Variants in SLC22A2 observed in about 807,000 individuals in gnomAD.
SLC22A2 encodes organic cation transporter 2.
A neutral mutation model predicts 60.5 loss-of-function variants in SLC22A2; 46 were observed. The ratio of observed to expected loss-of-function variants is 0.76; its 90% CI spans 0.60 to 0.97. The LOEUF is 0.97. Ranked by LOEUF, SLC22A2 falls within the 50% of genes least tolerant of loss-of-function variation. The pLI is 0.00. For synonymous variants in SLC22A2, 303 were observed against 267.0 expected, an observed-to-expected ratio of 1.13 and a Z score of -1.31; for missense variants, 701 against 706.6, an observed-to-expected ratio of 0.99 and a Z score of 0.09.
intron 7 of SLC22A2, 141 bp from the exon 8 acceptor site, chr6:160,242,543 G>C (rs1783027188): frequency 1.6e-6 from 1 of 624,310 alleles, no homozygotes; most frequent in Non-Finnish European, 2.9e-6. Flanking sequence ...ATAGGCTCAT[G>C]TTAATGTCAG....
intron 10 of SLC22A2, among the ~76,000 whole-genome samples, chr6:160,223,754 G>A (rs761572136): frequency 6.6e-6 from 1 of 152,108 alleles, no homozygotes; most frequent in Non-Finnish European, 1.5e-5. Flanking sequence ...TGAGACAAGA[G>A]TATTGCTTTG....
chr6:160,245,611 A>G (rs992728292), intron 5 of SLC22A2, 66 bp from the exon 6 acceptor site: 10 of 917,254 alleles, frequency 1.1e-5, no homozygotes, highest in Non-Finnish European at 1.3e-5. Flanking sequence ...TCACATAGGG[A>G]ATAACAATAA....
chr6:160,226,346 G>T (rs1299819182), intron 9 of SLC22A2, among the ~76,000 whole-genome samples: 1 of 152,116 alleles, frequency 6.6e-6, no homozygotes, highest in Non-Finnish European at 1.5e-5. Flanking sequence ...TAAAACTCCA[G>T]TCTCCCACAC....
At chr6:160,256,224 C>G (rs1274454332) in intron 2 of SLC22A2, among the ~76,000 whole-genome samples, 1 of 151,892 alleles carries the variant, frequency 6.6e-6, no homozygotes, top group African/African-American at 2.4e-5. Context: ...GCGAGACAAG[C>G]AGAGGATAGG....
chr6:160,235,053 G>T (rs906440491), intron 9 of SLC22A2, among the ~76,000 whole-genome samples: 1 of 152,140 alleles, frequency 6.6e-6, no homozygotes, highest in South Asian at 2.1e-4. Context: ...GTTTGTTCAA[G>T]CTCTAACAGC....
At chr6:160,256,552 C>G in intron 2 of SLC22A2, 62 bp downstream of exon 2, 3 of 1,080,580 alleles carry the variant, frequency 2.8e-6, no homozygotes, top group Non-Finnish European at 4.3e-6. Context: ...GGGGCAGGTG[C>G]ATCCAAGTGT....
chr6:160,229,755 G>A (rs1251009081), intron 9 of SLC22A2, among the ~76,000 whole-genome samples: 1 of 151,556 alleles, frequency 6.6e-6, no homozygotes, highest in Non-Finnish European at 1.5e-5. Flanking sequence ...CCCTTAGCCT[G>A]CATTCTCAAA....
At chr6:160,239,973 A>G (rs1204517153) in intron 9 of SLC22A2, among the ~76,000 whole-genome samples, 3 of 152,140 alleles carry the variant, frequency 2.0e-5, no homozygotes. Flanking sequence ...TGAGCAGGGT[A>G]GCTGTGTGGG....
intron 9 of SLC22A2, among the ~76,000 whole-genome samples, chr6:160,236,258 G>A (rs1424569687): frequency 6.6e-6 from 1 of 152,224 alleles, no homozygotes; most frequent in Non-Finnish European, 1.5e-5. Flanking sequence ...GAGGTGAAAT[G>A]TTCATGTATA....
chr6:160,236,311 C>T (rs180764682), intron 9 of SLC22A2, among the ~76,000 whole-genome samples: 5 of 152,026 alleles, frequency 3.3e-5, no homozygotes, highest in South Asian at 2.1e-4. Context: ...AATAAAAGAC[C>T]GAAGTATTCT....
At chr6:160,244,093 TA>T in intron 6 of SLC22A2, 1 of 262,340 alleles carries the variant, frequency 3.8e-6, no homozygotes, top group Non-Finnish European at 7.4e-6. Context: ...TTATTTTATT[TA>T]TTTATTTTTT....
chr6:160,250,425 TA>T (rs1407994438), intron 3 of SLC22A2, 122 bp downstream of exon 3: 5 of 886,316 alleles, frequency 5.6e-6, no homozygotes, highest in Admixed American at 3.7e-5. Flanking sequence ...GATACAGAAA[TA>T]AAAAAATCTC....
intron 5 of SLC22A2, 42 bp downstream of exon 5, chr6:160,247,142 T>C: frequency 8.6e-7 from 1 of 1,164,460 alleles, no homozygotes; most frequent in Non-Finnish European, 1.3e-6. Context: ...AGAGCCTCCC[T>C]TTTCTCCATC....
At chr6:160,239,147 A>T (rs1243232429) in intron 9 of SLC22A2, among the ~76,000 whole-genome samples, 2 of 152,182 alleles carry the variant, frequency 1.3e-5, no homozygotes, top group African/African-American at 2.4e-5. Context: ...ATTATAATGC[A>T]TTAGCATGTT....
At chr6:160,229,022 G>C (rs190969143) in intron 9 of SLC22A2, among the ~76,000 whole-genome samples, 1 of 151,854 alleles carries the variant, frequency 6.6e-6, no homozygotes, top group African/African-American at 2.4e-5. Flanking sequence ...AAGCCTGTTT[G>C]GTGGTCTCTT....
At chr6:160,251,921 T>C (rs753574284) in intron 2 of SLC22A2, among the ~76,000 whole-genome samples, 16 of 152,266 alleles carry the variant, frequency 1.1e-4, no homozygotes, top group Non-Finnish European at 1.8e-4. Context: ...TATTAACTAG[T>C]AAATTTCTTA....
intron 2 of SLC22A2, among the ~76,000 whole-genome samples, chr6:160,251,458 G>C (rs2114870169): frequency 6.6e-6 from 1 of 152,284 alleles, no homozygotes; most frequent in African/African-American, 2.4e-5. Flanking sequence ...CAGCTGAAAA[G>C]AGGATTAAGT....
At position 160,222,009 on chromosome 6, in the gene SLC22A2, A is replaced by G. The variant is rs73602403; in HGVS notation, c.1601+2696T>C. On this transcript the variant is annotated intron_variant, in intron 10 of 10. Transcript: ENST00000366953. ...GTATACCTTCAATCTGTTAAAAAAC[A>G]CAATATCTGCAAAGCACAATAAAAT... Among the ~76,000 whole-genome samples, 800 of 152,292 alleles carry G rather than the reference A, an allele frequency of 5.3e-3. 10 individuals are homozygous for G. The highest frequency in any genetic ancestry group is 0.018 in the African/African-American group (763 of 41,530).
intron 1 of SLC22A2, chr6:160,258,032 G>T: frequency 3.3e-6 from 1 of 306,448 alleles, no homozygotes; most frequent in Non-Finnish European, 6.0e-6. Flanking sequence ...AAAAAGAGGA[G>T]GATCCACAAT....
Sources: allele counts gnomAD v4.1 joint callset (sites outside exome capture counted in the v4.1 genomes callset), GRCh38; gene constraint gnomAD v4.1.1; transcripts MANE v1.5; gene names NCBI Gene and HGNC (gene_info 2026-07-23, HGNC 2026-07-21).